The following KCNIP4 variants were observed in gnomAD, a reference collection of about 807,000 sequenced individuals.
KCNIP4 encodes Kv channel-interacting protein 4.
Under a neutral mutation model 34.0 loss-of-function variants are expected in KCNIP4, and 12 were observed. The ratio of observed to expected loss-of-function variants is 0.35; its 90% CI spans 0.23 to 0.57. The LOEUF is 0.57. Ranked by LOEUF, KCNIP4 falls within the 20% of genes least tolerant of loss-of-function variation. KCNIP4 has a pLI of 0.83. For missense variants in KCNIP4, 238 were observed against 311.7 expected (o/e 0.76, Z 1.78); for synonymous variants, 124 against 102.2 (o/e 1.21, Z -1.29).
At chr4:21,771,238 A>G (rs760629999) in intron 1 of KCNIP4, among the ~76,000 whole-genome samples, 1 of 152,116 alleles carries the variant, frequency 6.6e-6, no homozygotes, top group Non-Finnish European at 1.5e-5. Flanking sequence ...TTTGTTGAAG[A>G]TCAAATGGTT....
chr4:21,489,375 A>C (rs1420392362), intron 1 of KCNIP4, among the ~76,000 whole-genome samples: 3 of 151,990 alleles, frequency 2.0e-5, no homozygotes, highest in Admixed American at 6.6e-5. Flanking sequence ...TTCCAATTGA[A>C]TAGGAAGTAG....
At chr4:21,113,983 T>C (rs1192684261) in intron 1 of KCNIP4, among the ~76,000 whole-genome samples, 2 of 152,212 alleles carry the variant, frequency 1.3e-5, no homozygotes, top group Non-Finnish European at 2.9e-5. Flanking sequence ...CTTTTTCTTT[T>C]GGCTGGTCAT....
intron 3 of KCNIP4, among the ~76,000 whole-genome samples, chr4:20,762,333 G>T (rs774553151): frequency 6.6e-6 from 1 of 152,150 alleles, no homozygotes; most frequent in Admixed American, 6.5e-5. Flanking sequence ...CACATTGGGG[G>T]TTAGGATTTC....
intron 1 of KCNIP4, among the ~76,000 whole-genome samples, chr4:20,928,235 A>G (rs1560576707): frequency 8.4e-6 from 1 of 119,168 alleles, no homozygotes; most frequent in Non-Finnish European, 1.7e-5. Flanking sequence ...AAATTTTCTA[A>G]GATAGTTTCT....
intron 1 of KCNIP4, among the ~76,000 whole-genome samples, chr4:21,756,855 G>A (rs1717564683): frequency 6.6e-6 from 1 of 151,876 alleles, no homozygotes; most frequent in Non-Finnish European, 1.5e-5. Context: ...CCAGCACTTT[G>A]GGAAGCTGAG....
At chr4:21,508,206 C>A (rs1734012318) in intron 1 of KCNIP4, among the ~76,000 whole-genome samples, 1 of 152,106 alleles carries the variant, frequency 6.6e-6, no homozygotes, top group Non-Finnish European at 1.5e-5. Context: ...CATGTATTTA[C>A]TTTCTCATCA....
chr4:21,099,665 T>A (rs1437876537), intron 1 of KCNIP4, among the ~76,000 whole-genome samples: 2 of 152,134 alleles, frequency 1.3e-5, no homozygotes, highest in Admixed American at 1.3e-4. Context: ...TTTCTTAATG[T>A]TATAGCTGCC....
intron 1 of KCNIP4, among the ~76,000 whole-genome samples, chr4:21,000,760 T>G (rs1738059007): frequency 6.6e-6 from 1 of 152,216 alleles, no homozygotes; most frequent in South Asian, 2.1e-4. Flanking sequence ...TTTGATTTTT[T>G]GTCTCACTAC....
chr4:21,466,324 G>C (rs1729934068), intron 1 of KCNIP4, among the ~76,000 whole-genome samples: 1 of 152,180 alleles, frequency 6.6e-6, no homozygotes. Context: ...GGGAACTTAT[G>C]TGACTCAACA....
At chr4:20,904,151 T>C (rs572184468) in intron 1 of KCNIP4, among the ~76,000 whole-genome samples, 3 of 152,242 alleles carry the variant, frequency 2.0e-5, no homozygotes, top group Admixed American at 6.5e-5. Context: ...TAGTTCTCTA[T>C]GTGACTGTTG....
At chr4:21,847,935 C>T (rs1454752059) in intron 1 of KCNIP4, 1 of 151,832 alleles carries the variant, frequency 6.6e-6, no homozygotes, top group East Asian at 1.9e-4. Flanking sequence ...TTCCTTTTTC[C>T]TGTGTGGCAG....
At chr4:21,173,128 GGA>G (rs1754134875) in intron 1 of KCNIP4, among the ~76,000 whole-genome samples, 1 of 152,088 alleles carries the variant, frequency 6.6e-6, no homozygotes, top group Admixed American at 6.6e-5. Context: ...TCTGATTGAT[GGA>G]GGCTTAGGTC....
chr4:21,212,049 A>G (rs368693827), intron 1 of KCNIP4, among the ~76,000 whole-genome samples: 3 of 152,186 alleles, frequency 2.0e-5, no homozygotes, highest in African/African-American at 7.2e-5. Context: ...CCCTGGCAGC[A>G]TGCCTGTTCC....
At chr4:20,910,561 C>T (rs1402190003) in intron 1 of KCNIP4, among the ~76,000 whole-genome samples, 2 of 152,116 alleles carry the variant, frequency 1.3e-5, no homozygotes, top group African/African-American at 4.8e-5. Flanking sequence ...GCAGAACGAG[C>T]CTAACGGAAA....
At chr4:21,483,037 T>C (rs1041734605) in intron 1 of KCNIP4, among the ~76,000 whole-genome samples, 4 of 132,606 alleles carry the variant, frequency 3.0e-5, no homozygotes, top group Non-Finnish European at 4.6e-5. Flanking sequence ...ATGAGAACAC[T>C]TGGACACAGG....
intron 1 of KCNIP4, among the ~76,000 whole-genome samples, chr4:21,939,068 C>T (rs1381079411): frequency 1.3e-5 from 2 of 152,066 alleles, no homozygotes; most frequent in African/African-American, 4.8e-5. Context: ...TTATGGAAGG[C>T]CACAATCTCA....
At chr4:20,779,195 T>C (rs555292202) in intron 3 of KCNIP4, among the ~76,000 whole-genome samples, 207 of 152,308 alleles carry the variant, frequency 1.4e-3, no homozygotes, top group African/African-American at 4.7e-3. Flanking sequence ...GTGGTTTTGA[T>C]TGAATAATAC....
At chr4:21,386,358 C>G (rs189602320) in intron 1 of KCNIP4, among the ~76,000 whole-genome samples, 1 of 151,988 alleles carries the variant, frequency 6.6e-6, no homozygotes, top group Admixed American at 6.6e-5. Context: ...AATTGACCTG[C>G]AAGCAGGGCT....
intron 1 of KCNIP4, among the ~76,000 whole-genome samples, chr4:20,913,174 T>C (rs978564239): frequency 6.6e-6 from 1 of 151,924 alleles, no homozygotes; most frequent in Non-Finnish European, 1.5e-5. Flanking sequence ...GTGGTTTTTT[T>C]CAGCCAAAAA....
Sources: allele counts gnomAD v4.1 joint callset (sites outside exome capture counted in the v4.1 genomes callset), GRCh38; gene constraint gnomAD v4.1.1; transcripts MANE v1.5; gene names NCBI Gene and HGNC (gene_info 2026-07-23, HGNC 2026-07-21).